The following SIPA1L1 variants were observed in gnomAD, a reference collection of about 807,000 sequenced individuals.
The protein encoded by SIPA1L1 is signal-induced proliferation-associated 1-like protein 1.
In SIPA1L1, 26 loss-of-function variants were observed where a neutral mutation model predicts 162.7. That is an observed-to-expected ratio of 0.16 (90% CI 0.12 to 0.22). The LOEUF (loss-of-function observed/expected upper bound fraction) is 0.22. Ranked by LOEUF, SIPA1L1 falls within the 10% of genes least tolerant of loss-of-function variation. The pLI is 1.00. For synonymous variants in SIPA1L1, 829 were observed against 837.4 expected, an observed-to-expected ratio of 0.99 and a Z score of 0.17; for missense variants, 1,874 against 2,241.0, an observed-to-expected ratio of 0.84 and a Z score of 3.31.
At chr14:71,640,359 T>C (rs2041585348) in intron 7 of SIPA1L1, among the ~76,000 whole-genome samples, 1 of 152,008 alleles carries the variant, frequency 6.6e-6, no homozygotes, top group Non-Finnish European at 1.5e-5. Context: ...GAGCTTGATC[T>C]AGAAAGAAAA....
At chr14:71,499,845 G>T (rs2050066717) in intron 2 of SIPA1L1, among the ~76,000 whole-genome samples, 1 of 152,112 alleles carries the variant, frequency 6.6e-6, no homozygotes, top group South Asian at 2.1e-4. Context: ...GTTTGAATGA[G>T]AATAGAAATT....
chr14:71,394,276 A>T (rs1240069037), intron 2 of SIPA1L1, among the ~76,000 whole-genome samples: 1 of 152,138 alleles, frequency 6.6e-6, no homozygotes, highest in African/African-American at 2.4e-5. Context: ...CTTAGTTTAA[A>T]TTTCTCCATT....
At chr14:71,623,606 A>G (rs2039668742) in intron 6 of SIPA1L1, among the ~76,000 whole-genome samples, 1 of 152,222 alleles carries the variant, frequency 6.6e-6, no homozygotes, top group African/African-American at 2.4e-5. Flanking sequence ...ATGAAGCTTA[A>G]AACTTTATCT....
At chr14:71,634,402 C>CA (rs78425751) in intron 7 of SIPA1L1, among the ~76,000 whole-genome samples, 13,713 of 81,092 alleles carry the variant, frequency 0.17, 889 homozygotes, top group Non-Finnish European at 0.22. Context: ...AACTCCATTT[C>CA]AAAAAAAAAA....
rs143628911 is a variant in SIPA1L1 at position 71,329,118 on chromosome 14, A to G, written c.-465+7937A>G. Among the ~76,000 whole-genome samples, 338 of 152,308 alleles carry G rather than the reference A, an allele frequency of 2.2e-3. 3 individuals are homozygous for G. In the Middle Eastern group the frequency reaches 0.044, roughly 20 times the overall value. On this transcript the variant is annotated intron_variant, in intron 2 of 23. Coordinates refer to ENST00000381232, the MANE Select transcript of SIPA1L1 (RefSeq NM_001386936.1). Reference sequence around the variant, plus strand: ...TGTGACAGGATTTCTATCTTTTTAAAGGTTTAATAGTATTCCGTCGTATGG... The same window carrying G: ...TGTGACAGGATTTCTATCTTTTTAAGGGTTTAATAGTATTCCGTCGTATGG...
intron 2 of SIPA1L1, among the ~76,000 whole-genome samples, chr14:71,373,343 A>C (rs1036654669): frequency 1.3e-5 from 2 of 149,698 alleles, no homozygotes; most frequent in African/African-American, 4.9e-5. Flanking sequence ...CCAGTATTGG[A>C]CGGGTGTGGT....
intron 2 of SIPA1L1, among the ~76,000 whole-genome samples, chr14:71,363,753 C>T (rs749049052): frequency 6.6e-6 from 1 of 152,150 alleles, no homozygotes; most frequent in Non-Finnish European, 1.5e-5. Flanking sequence ...TACCAGTTAA[C>T]AGAAATTAGT....
chr14:71,711,176 G>A lies in SIPA1L1; in HGVS notation c.4208+1512G>A, dbSNP rs116313430. On this transcript the variant is annotated intron_variant, in intron 17 of 23. Coordinates refer to ENST00000381232, the MANE Select transcript of SIPA1L1 (RefSeq NM_001386936.1). ...TTCCAAGCAAAAGGAAATTGGGAAA[G>A]TAGTCTCAGTATTCTTGAGTACTAT... Among the ~76,000 whole-genome samples, 552 of 152,368 alleles carry A rather than the reference G, an allele frequency of 3.6e-3. 8 individuals carry two copies. Among genetic ancestry groups the A allele is most frequent in the African/African-American group, 0.013 (520 of 41,594 alleles).
At chr14:71,729,483 G>GA (rs1429845391) in intron 19 of SIPA1L1, among the ~76,000 whole-genome samples, 1 of 152,140 alleles carries the variant, frequency 6.6e-6, no homozygotes, top group Non-Finnish European at 1.5e-5. Flanking sequence ...AAAATATTTT[G>GA]ATGATCAAAT....
At chr14:71,391,734 T>G (rs1003092751) in intron 2 of SIPA1L1, among the ~76,000 whole-genome samples, 7 of 152,014 alleles carry the variant, frequency 4.6e-5, no homozygotes, top group Admixed American at 3.9e-4. Flanking sequence ...TTCTAAAGAG[T>G]GACTCTCTAA....
At chr14:71,611,469 T>C (rs1291240449) in intron 5 of SIPA1L1, among the ~76,000 whole-genome samples, 1 of 146,644 alleles carries the variant, frequency 6.8e-6, no homozygotes, top group Non-Finnish European at 1.5e-5. Flanking sequence ...TAGGTGTACA[T>C]GTGCCATGGT....
intron 11 of SIPA1L1, among the ~76,000 whole-genome samples, chr14:71,671,945 G>A (rs1007069091): frequency 5.5e-5 from 8 of 146,208 alleles, no homozygotes; most frequent in South Asian, 2.2e-4. Flanking sequence ...GTGTGTGTGC[G>A]TTCATGTTCA....
intron 2 of SIPA1L1, among the ~76,000 whole-genome samples, chr14:71,343,302 A>G (rs1271211341): frequency 6.6e-6 from 1 of 152,172 alleles, no homozygotes; most frequent in East Asian, 1.9e-4. Context: ...TTCATCATCC[A>G]CTCAGCAAAT....
At chr14:71,462,614 C>T (rs1487449399) in intron 2 of SIPA1L1, among the ~76,000 whole-genome samples, 1 of 152,176 alleles carries the variant, frequency 6.6e-6, no homozygotes, top group Admixed American at 6.5e-5. Flanking sequence ...ACCACTGGAT[C>T]CCTAGAAATT....
At chr14:71,403,337 C>T (rs759727384) in intron 2 of SIPA1L1, among the ~76,000 whole-genome samples, 34 of 151,996 alleles carry the variant, frequency 2.2e-4, no homozygotes, top group African/African-American at 5.1e-4. Flanking sequence ...CGGTGGCTCA[C>T]GCCTGTAATC....
chr14:71,417,409 C>T (rs1256457534), intron 2 of SIPA1L1, among the ~76,000 whole-genome samples: 1 of 123,550 alleles, frequency 8.1e-6, no homozygotes, highest in South Asian at 2.6e-4. Context: ...GGGGCGGAGC[C>T]TGCAGTGAGC....
chr14:71,394,173 A>T (rs1210583267), intron 2 of SIPA1L1, among the ~76,000 whole-genome samples: 1 of 152,130 alleles, frequency 6.6e-6, no homozygotes, highest in East Asian at 1.9e-4. Flanking sequence ...ATCAGCCTAG[A>T]TCTCTTCAGA....
chr14:71,622,760 T>C (rs1400615200), intron 6 of SIPA1L1, among the ~76,000 whole-genome samples: 1 of 152,190 alleles, frequency 6.6e-6, no homozygotes, highest in Admixed American at 6.5e-5. Flanking sequence ...TTCATCTTAT[T>C]TGCAGCTTAA....
chr14:71,710,637 G>T (rs965135279), intron 17 of SIPA1L1, among the ~76,000 whole-genome samples: 5 of 151,902 alleles, frequency 3.3e-5, no homozygotes, highest in Admixed American at 6.6e-5. Flanking sequence ...GTGAAACCCC[G>T]TCTCTACTAA....
Sources: gnomAD v4.1 joint callset for allele counts (sites outside exome capture counted in the v4.1 genomes callset) on GRCh38, gnomAD v4.1.1 for gene constraint, MANE v1.5 for transcripts, NCBI Gene and HGNC (gene_info 2026-07-23, HGNC 2026-07-21) for gene names.